The following DCDC1 variants were observed in gnomAD, a reference collection of about 807,000 sequenced individuals.
DCDC1 encodes doublecortin domain containing 1, also known as doublecortin domain-containing protein 1.
DCDC1 carries 200 observed loss-of-function variants against 178.3 expected under a neutral mutation model. That is an observed-to-expected ratio of 1.12 (90% confidence interval 1.00 to 1.26). The LOEUF (loss-of-function observed/expected upper bound fraction) is 1.26, where lower values mean the gene tolerates loss of function less well. Ranked by LOEUF, DCDC1 falls within the 50% of genes most tolerant of loss-of-function variation. The probability of loss-of-function intolerance (pLI) is 0.00; values close to 1 mark genes in which losing one functional copy is unlikely to be tolerated. For synonymous variants in DCDC1, 690 were observed against 604.8 expected (o/e 1.14, Z -2.07); for missense variants, 1,983 against 1,749.2 (o/e 1.13, Z -2.38).
chr11:30,975,333 C>G (rs1311664608), intron 20 of DCDC1, among the ~76,000 whole-genome samples: 3 of 151,960 alleles, frequency 2.0e-5, no homozygotes. Context: ...CCCACTCTCA[C>G]CATTCTTATT....
chr11:31,097,216 C>A (rs1958220866), intron 15 of DCDC1, among the ~76,000 whole-genome samples: 1 of 152,090 alleles, frequency 6.6e-6, no homozygotes. Flanking sequence ...ATTATTTTTC[C>A]CAAATAGCTA....
chr11:31,338,488 A>G (rs1271047138), intron 1 of DCDC1, among the ~76,000 whole-genome samples: 2 of 152,184 alleles, frequency 1.3e-5, no homozygotes, highest in Non-Finnish European at 2.9e-5. Context: ...GGCGTACCAA[A>G]GATATTTTGG....
chr11:31,055,511 A>G (rs926919441), intron 20 of DCDC1, among the ~76,000 whole-genome samples: 1 of 152,226 alleles, frequency 6.6e-6, no homozygotes, highest in Non-Finnish European at 1.5e-5. Context: ...GTATCTACCC[A>G]GAGGAAAAGA....
intron 20 of DCDC1, among the ~76,000 whole-genome samples, chr11:31,031,592 C>T (rs1326359995): frequency 2.0e-5 from 3 of 151,932 alleles, no homozygotes; most frequent in Admixed American, 1.3e-4. Flanking sequence ...AATGTACACA[C>T]TTATTGTATA....
chr11:31,020,631 C>CT lies in DCDC1; in HGVS notation c.2591+43837dup, dbSNP rs1399717468. ...ATTTTATAAATAGATAGAGATGAGT[C>CT]TCACTGTGTTGACCAGGTTGGTTTT... On this transcript the variant is annotated intron_variant, in intron 20 of 38. Transcript: ENST00000684477. Among the ~76,000 whole-genome samples, 15 of 152,106 alleles carry CT rather than the reference C, an allele frequency of 9.9e-5. No homozygotes were observed. In the Middle Eastern group the frequency reaches 0.014, roughly 138 times the overall value.
chr11:31,232,130 A>T (rs1258059594), intron 9 of DCDC1, among the ~76,000 whole-genome samples: 1 of 152,206 alleles, frequency 6.6e-6, no homozygotes, highest in Non-Finnish European at 1.5e-5. Context: ...AAGAAGTTAC[A>T]CATACAGTGA....
intron 9 of DCDC1, among the ~76,000 whole-genome samples, chr11:31,201,645 C>A (rs1591385750): frequency 4.4e-5 from 6 of 135,170 alleles, no homozygotes; most frequent in South Asian, 2.4e-4. Context: ...AACTAAAAAA[C>A]AAGACAGGGA....
chr11:31,218,424 C>T (rs192674689), intron 9 of DCDC1, among the ~76,000 whole-genome samples: 99 of 152,234 alleles, frequency 6.5e-4, no homozygotes, highest in African/African-American at 1.9e-3. Flanking sequence ...TTTCAAGTCA[C>T]TACTTAAATG....
chr11:31,267,535 C>T (rs558204774), intron 7 of DCDC1, among the ~76,000 whole-genome samples: 2 of 152,322 alleles, frequency 1.3e-5, no homozygotes, highest in African/African-American at 2.4e-5. Context: ...AAAGATCATT[C>T]GCAACATCAA....
chr11:30,933,272 T>C (rs1378454778), intron 21 of DCDC1, among the ~76,000 whole-genome samples: 1 of 152,074 alleles, frequency 6.6e-6, no homozygotes, highest in Non-Finnish European at 1.5e-5. Flanking sequence ...TCATATACAT[T>C]TAAGAATAAG....
chr11:30,879,979 C>T (rs76954682), intron 37 of DCDC1, among the ~76,000 whole-genome samples: 5 of 151,758 alleles, frequency 3.3e-5, no homozygotes, highest in African/African-American at 1.2e-4. Context: ...CTACTGCACA[C>T]GTTTGCTCAC....
chr11:31,205,389 T>C (rs1971750707), intron 9 of DCDC1, among the ~76,000 whole-genome samples: 2 of 152,214 alleles, frequency 1.3e-5, no homozygotes, highest in Non-Finnish European at 2.9e-5. Context: ...TGTTGCCTAT[T>C]AAATAAGCAT....
intron 20 of DCDC1, among the ~76,000 whole-genome samples, chr11:30,999,078 C>G (rs1951426245): frequency 6.6e-6 from 1 of 152,070 alleles, no homozygotes; most frequent in Non-Finnish European, 1.5e-5. Flanking sequence ...AATATCTGGC[C>G]ACTATTCAGA....
intron 25 of DCDC1, among the ~76,000 whole-genome samples, chr11:30,918,529 G>A (rs1466285455): frequency 2.6e-5 from 4 of 152,146 alleles, no homozygotes; most frequent in Non-Finnish European, 5.9e-5. Context: ...GATGGGGTAA[G>A]GTTTACGTTA....
intron 20 of DCDC1, among the ~76,000 whole-genome samples, chr11:30,992,931 G>A (rs1311870902): frequency 2.0e-5 from 3 of 152,078 alleles, no homozygotes; most frequent in Admixed American, 6.6e-5. Context: ...ATATTGTACA[G>A]CTTGTGGTAA....
At chr11:31,237,781 T>C (rs1311816150) in intron 9 of DCDC1, among the ~76,000 whole-genome samples, 2 of 152,054 alleles carry the variant, frequency 1.3e-5, no homozygotes, top group East Asian at 1.9e-4. Context: ...CTTTAAGTAA[T>C]CAAATCAGCT....
intron 20 of DCDC1, among the ~76,000 whole-genome samples, chr11:30,983,913 A>C (rs769238927): frequency 7.2e-5 from 11 of 152,176 alleles, no homozygotes; most frequent in Admixed American, 2.6e-4. Flanking sequence ...AATGGGCGAT[A>C]TAATCGAAGG....
chr11:31,269,529 G>C (rs1353105469), intron 7 of DCDC1, among the ~76,000 whole-genome samples: 1 of 151,880 alleles, frequency 6.6e-6, no homozygotes, highest in African/African-American at 2.4e-5. Flanking sequence ...GAGACAACAG[G>C]TGTACCATAT....
rs780593249 is a variant in DCDC1 at position 31,290,770 on chromosome 11, C to T, written c.837G>A (p.Lys279=). The change falls in exon 7 of 39, where the codon AAG becomes AAA. Residue 279 remains lysine (K), a synonymous_variant. Transcript: ENST00000684477. The stretch of plus-strand genomic sequence containing the variant: ...TCTTCATTCTAATAGAAAGAACAGG[C>T]TTGGTTTTCCGTCTTTTGATATCAG... The part of the protein sequence containing the change: ...LPTDIKRRKT[K]PVLSIRMKKL... The T allele has an allele frequency of 1.9e-6, 3 of 1,613,416 alleles. No homozygotes were observed. The South Asian group carries it at 3.3e-5, about 18-fold the overall frequency.
Sources: gnomAD v4.1 joint callset for allele counts (sites outside exome capture counted in the v4.1 genomes callset) on GRCh38, gnomAD v4.1.1 for gene constraint, MANE v1.5 for transcripts, NCBI Gene and HGNC (gene_info 2026-07-23, HGNC 2026-07-21) for gene names.